Variants in LMF1 observed in about 807,000 individuals in gnomAD.
LMF1 encodes lipase maturation factor 1, also known as transmembrane protein 112.
LMF1 carries 68 observed loss-of-function variants against 60.6 expected under a neutral mutation model. The ratio of observed to expected loss-of-function variants is 1.12; its 90% CI spans 0.92 to 1.37. The LOEUF (loss-of-function observed/expected upper bound fraction) is 1.37. Ranked by LOEUF, LMF1 falls within the 40% of genes most tolerant of loss-of-function variation. The pLI, the probability that LMF1 is intolerant of heterozygous loss-of-function variation, is 0.00. For missense variants in LMF1, 948 were observed against 767.2 expected (o/e 1.24, Z -2.78); for synonymous variants, 418 against 324.7 (o/e 1.29, Z -3.09).
At chr16:879,136 A>G (rs1398579020) in intron 6 of LMF1, among the ~76,000 whole-genome samples, 2 of 152,112 alleles carry the variant, frequency 1.3e-5, no homozygotes, top group Non-Finnish European at 2.9e-5. Context: ...ACCCACATGG[A>G]GGCAAATGAC....
chr16:874,899 AT>A lies in LMF1; in HGVS notation c.898-3559del, dbSNP rs1301500645. On this transcript the variant is annotated intron_variant, in intron 6 of 10. Transcript: ENST00000262301. The surrounding 1 kb of genome is among the most constrained non-coding windows in gnomAD (Gnocchi z 4.1). ...GTCACTCTCAGCCCCACACCATATC[AT>A]CCCCCAGACACCCTCTGCCCTGTAC... Among the ~76,000 whole-genome samples, 1 of 152,034 alleles carries A rather than the reference AT, an allele frequency of 6.6e-6. No homozygotes were observed. Among genetic ancestry groups the A allele is most frequent in the African/African-American group, 2.4e-5 (1 of 41,384 alleles).
intron 3 of LMF1, among the ~76,000 whole-genome samples, chr16:922,054 G>A (rs1294735564): frequency 6.6e-6 from 1 of 152,166 alleles, no homozygotes; most frequent in East Asian, 1.9e-4. Context: ...GAGAGAAGCA[G>A]CTGTTTATCC....
chr16:907,831 A>G (rs2071008540), intron 4 of LMF1, among the ~76,000 whole-genome samples: 1 of 152,204 alleles, frequency 6.6e-6, no homozygotes, highest in Non-Finnish European at 1.5e-5. Context: ...GAGTCTATCA[A>G]GTAATTATAC....
chr16:964,879 C>T (rs1035851618), intron 1 of LMF1, among the ~76,000 whole-genome samples: 3 of 152,202 alleles, frequency 2.0e-5, no homozygotes, highest in African/African-American at 4.8e-5. Context: ...AAGCAGCTGC[C>T]GGGGAGACGC....
At chr16:912,762 C>T (rs1465087323) in intron 3 of LMF1, among the ~76,000 whole-genome samples, 1 of 152,252 alleles carries the variant, frequency 6.6e-6, no homozygotes, top group Non-Finnish European at 1.5e-5. Flanking sequence ...AAGGGTTGCC[C>T]TGGGCCCACC....
chr16:956,725 T>A (rs375447398), intron 1 of LMF1, among the ~76,000 whole-genome samples: 43 of 150,484 alleles, frequency 2.9e-4, no homozygotes, highest in African/African-American at 1.0e-3. Context: ...GCACCTGTAA[T>A]CCAAGCTACT....
intron 2 of LMF1, among the ~76,000 whole-genome samples, chr16:937,456 C>G (rs1347056628): frequency 6.6e-6 from 1 of 152,166 alleles, no homozygotes; most frequent in Non-Finnish European, 1.5e-5. Flanking sequence ...TGTGAGCCTC[C>G]ACACCTGACT....
At chr16:941,833 T>A (rs1379404495) in intron 2 of LMF1, among the ~76,000 whole-genome samples, 1 of 152,220 alleles carries the variant, frequency 6.6e-6, no homozygotes, top group African/African-American at 2.4e-5. Context: ...AGAGAGCCAG[T>A]GATGTTACAG....
At chr16:859,345 GGT>G (rs764710704) in intron 10 of LMF1, among the ~76,000 whole-genome samples, 26 of 1,300 alleles carry the variant, frequency 0.02, 9 homozygotes, top group Non-Finnish European at 0.033. Flanking sequence ...GGTGTGCAGT[GGT>G]GTCTCGGGAC....
intron 2 of LMF1, among the ~76,000 whole-genome samples, chr16:937,660 A>G (rs2071983713): frequency 6.6e-6 from 1 of 152,220 alleles, no homozygotes; most frequent in Non-Finnish European, 1.5e-5. Flanking sequence ...GGGGGCTCCC[A>G]TTTCTATAGG....
upstream of LMF1, among the ~76,000 whole-genome samples, chr16:972,476 G>C (rs1168212734): frequency 6.6e-6 from 1 of 152,168 alleles, no homozygotes; most frequent in Non-Finnish European, 1.5e-5. Flanking sequence ...CTCTCCTCGT[G>C]ACCTGGGGGC....
At chr16:876,024 C>T (rs998575879) in intron 6 of LMF1, among the ~76,000 whole-genome samples, 39 of 152,354 alleles carry the variant, frequency 2.6e-4, no homozygotes, top group African/African-American at 6.5e-4. Context: ...CAGTGGGACC[C>T]GGGGCTGGCA....
chr16:868,685 G>A (rs144290825), intron 10 of LMF1, among the ~76,000 whole-genome samples: 2 of 150,786 alleles, frequency 1.3e-5, no homozygotes, highest in South Asian at 2.1e-4. Context: ...CAGAGCAGCT[G>A]TCCTGGGCTC....
intron 2 of LMF1, 31 bp downstream of exon 2, chr16:954,326 A>G (rs2072610556): frequency 3.1e-6 from 5 of 1,600,246 alleles, no homozygotes; most frequent in Non-Finnish European, 4.3e-6. Flanking sequence ...AGCAAGCCCT[A>G]AGCTCCGACC....
chr16:879,583 T>G lies in LMF1; in HGVS notation c.884A>C (p.Gln295Pro). 1 of 1,613,008 alleles carries G rather than the reference T, an allele frequency of 6.2e-7. No homozygotes were observed. The highest frequency in any genetic ancestry group is 8.5e-7 in the Non-Finnish European group (1 of 1,179,728). ...RRACIIHGVL[Q>P]ILFQAVLIVS... ...GCGCGGGCTCACCTGGAACAGGATC[T>G]GCAGCACCCCGTGGATGATGCACGC... is the stretch of plus-strand genomic sequence containing the variant. The change falls in exon 6 of 11, where the codon CAG (glutamine) becomes CCG (proline). Residue 295 changes from glutamine to proline, a missense_variant. Transcript: ENST00000262301.
intron 10 of LMF1, chr16:854,954 G>A: frequency 1.7e-6 from 1 of 573,622 alleles, no homozygotes; most frequent in Non-Finnish European, 3.1e-6. Context: ...AGCTCCGGGA[G>A]GGGAGACCCA....
intron 3 of LMF1, among the ~76,000 whole-genome samples, chr16:926,449 G>A (rs1054348558): frequency 2.6e-5 from 4 of 152,278 alleles, no homozygotes; most frequent in Non-Finnish European, 5.9e-5. Context: ...TCGTGTGTTT[G>A]CACAGGATCT....
At chr16:905,036 C>G (rs867611383) in intron 4 of LMF1, 24 of 84,626 alleles carry the variant, frequency 2.8e-4, no homozygotes, top group Non-Finnish European at 1.2e-4. Context: ...GTGGTGACCT[C>G]TGCACTGCCC....
At chr16:954,217 C>A (rs970480375) in intron 2 of LMF1, 140 bp downstream of exon 2, 3 of 936,988 alleles carry the variant, frequency 3.2e-6, no homozygotes, top group Non-Finnish European at 5.0e-6. Flanking sequence ...TCTGCCATGG[C>A]CTAAGTAAAA....
Sources: allele counts gnomAD v4.1 joint callset (sites outside exome capture counted in the v4.1 genomes callset), GRCh38; gene constraint gnomAD v4.1.1; non-coding constraint Gnocchi (gnomAD v3.1); transcripts MANE v1.5; gene names NCBI Gene and HGNC (gene_info 2026-07-23, HGNC 2026-07-21).